Variants in MRE11 observed in about 807,000 individuals in gnomAD.
MRE11 encodes double-strand break repair protein MRE11.
MRE11 carries 62 observed loss-of-function variants against 91.7 expected under a neutral mutation model. The ratio of observed to expected loss-of-function variants is 0.68; its 90% CI spans 0.55 to 0.84. The LOEUF is 0.84. MRE11 is among the 40% of genes least tolerant of loss of function. The probability of loss-of-function intolerance (pLI) is 0.00; values close to 1 mark genes in which losing one functional copy is unlikely to be tolerated. For synonymous variants in MRE11, 273 were observed against 271.4 expected (o/e 1.01, Z -0.06); for missense variants, 796 against 852.9 (o/e 0.93, Z 0.83).
Position 94,445,870 on chromosome 11 carries a change from T to G in MRE11, c.1807A>C (p.Thr603Pro), listed in dbSNP as rs751657849. Reference protein sequence around the residue: ...GRADTGLETSTRSRNSKTAVS... With the variant: ...GRADTGLETSPRSRNSKTAVS... ...GCAGTCTTTGAGTTCCTGCTACGGG[T>G]AGAAGTCTCCAGACCAGTGTCTGCT... The change falls in exon 16 of 20, where the codon ACC becomes CCC. Residue 603 changes from threonine to proline, a missense_variant. Transcript: ENST00000323929. 3.1e-6 allele frequency: 5 copies of G among 1,613,644 alleles called. No individual in the cohort carries two copies. The highest frequency in any genetic ancestry group is 8.5e-7 in the Non-Finnish European group (1 of 1,179,672).
intron 19 of MRE11, among the ~76,000 whole-genome samples, chr11:94,426,174 C>T (rs539741556): frequency 6.6e-6 from 1 of 152,218 alleles, no homozygotes; most frequent in Admixed American, 6.5e-5. Context: ...TTAAGAAGAT[C>T]TCTCAAAACT....
chr11:94,423,358 G>A (rs1480390626), intron 19 of MRE11, among the ~76,000 whole-genome samples: 2 of 152,302 alleles, frequency 1.3e-5, no homozygotes, highest in Middle Eastern at 3.4e-3. Context: ...CCCTGGAGAC[G>A]TTTCAACTGG....
chr11:94,434,922 C>T (rs1321530462), intron 18 of MRE11, among the ~76,000 whole-genome samples: 1 of 152,090 alleles, frequency 6.6e-6, no homozygotes, highest in African/African-American at 2.4e-5. Context: ...AAAATAAGTA[C>T]AAAATAAGGC....
chr11:94,478,649 C>T, intron 6 of MRE11, 86 bp downstream of exon 6: 1 of 1,497,642 alleles, frequency 6.7e-7, no homozygotes, highest in Non-Finnish European at 9.2e-7. Flanking sequence ...CCCATTTTTT[C>T]CAAACAGATA....
intron 5 of MRE11, among the ~76,000 whole-genome samples, chr11:94,479,263 T>C (rs1042207305): frequency 6.6e-5 from 10 of 152,222 alleles, no homozygotes; most frequent in African/African-American, 2.4e-4. Flanking sequence ...AAAATACTTG[T>C]AGGATCTCTA....
intron 14 of MRE11, among the ~76,000 whole-genome samples, chr11:94,448,540 G>A (rs959048108): frequency 5.3e-5 from 8 of 152,064 alleles, no homozygotes; most frequent in Non-Finnish European, 1.2e-4. Context: ...CAGTGGGGAG[G>A]GGAGTTGTTG....
At chr11:94,463,052 A>G (rs1280816398) in intron 11 of MRE11, among the ~76,000 whole-genome samples, 2 of 152,256 alleles carry the variant, frequency 1.3e-5, no homozygotes, top group East Asian at 1.9e-4. Flanking sequence ...GCTAATATCC[A>G]GAATCTATAA....
chr11:94,492,976 G>A, intron 1 of MRE11, 70 bp from the exon 2 acceptor site: 1 of 647,824 alleles, frequency 1.5e-6, no homozygotes, highest in Non-Finnish European at 2.7e-6. Context: ...CATGATTTAC[G>A]CTGCACAAGG....
chr11:94,474,451 G>A (rs75080961), intron 7 of MRE11, among the ~76,000 whole-genome samples: 899 of 88,102 alleles, frequency 0.01, 4 homozygotes, highest in African/African-American at 0.026. Flanking sequence ...ACATAAATAA[G>A]TAAGTAAATA....
At chr11:94,459,162 G>A (rs1053938686) in intron 13 of MRE11, among the ~76,000 whole-genome samples, 1 of 152,052 alleles carries the variant, frequency 6.6e-6, no homozygotes, top group Non-Finnish European at 1.5e-5. Context: ...CCCTTTCAAA[G>A]GATCTTTAAG....
Sources: gnomAD v4.1 joint callset for allele counts (sites outside exome capture counted in the v4.1 genomes callset) on GRCh38, gnomAD v4.1.1 for gene constraint, MANE v1.5 for transcripts, NCBI Gene and HGNC (gene_info 2026-07-23, HGNC 2026-07-21) for gene names.